The following RBFOX1 variants were observed in gnomAD, a reference collection of about 807,000 sequenced individuals.
The protein encoded by RBFOX1 is RNA binding protein fox-1 homolog 1.
A neutral mutation model predicts 57.7 loss-of-function variants in RBFOX1; 8 were observed. That is an observed-to-expected ratio of 0.14 (90% confidence interval 0.08 to 0.25). The LOEUF is 0.25. Ranked by LOEUF, RBFOX1 falls within the 10% of genes least tolerant of loss-of-function variation. The pLI is 1.00. For missense variants in RBFOX1, 611 were observed against 548.5 expected, an observed-to-expected ratio of 1.11 and a Z score of -1.14; for synonymous variants, 326 against 222.4, an observed-to-expected ratio of 1.47 and a Z score of -4.15.
chr16:6,520,365 G>T (rs941561048), intron 2 of RBFOX1, among the ~76,000 whole-genome samples: 4 of 152,106 alleles, frequency 2.6e-5, no homozygotes, highest in African/African-American at 9.7e-5. Flanking sequence ...ACCTTTCTTA[G>T]AGGGTCCTAA....
At chr16:7,145,095 C>A (rs1168339519) in intron 4 of RBFOX1, among the ~76,000 whole-genome samples, 1 of 152,198 alleles carries the variant, frequency 6.6e-6, no homozygotes, top group Non-Finnish European at 1.5e-5. Flanking sequence ...TGACAGTGAT[C>A]CCTTTCCAGA....
In RBFOX1 at chr16:6,152,813, T is replaced by C. The variant is rs535921051; in HGVS notation, c.-127+132821T>C. The stretch of plus-strand genomic sequence containing the variant: ...GTTCCTGAACATCTGTCTAAAAAAA[T>C]GCCCTCTTAGAGATGAGAGAAACAG... On this transcript the variant is annotated intron_variant, in intron 1 of 15. Coordinates refer to ENST00000550418, the MANE Select transcript of RBFOX1 (RefSeq NM_018723.4). 3.3e-5 allele frequency among the ~76,000 whole-genome samples: 5 copies of C among 152,096 alleles called. No homozygotes were observed. In the East Asian group the frequency reaches 9.7e-4, roughly 29 times the overall value.
rs532056468 is a variant in RBFOX1, at chr16:7,666,589, A to G, written c.930+1621A>G. Among the ~76,000 whole-genome samples the G allele has an allele frequency of 7.2e-5, 11 of 152,292 alleles. No homozygotes were observed. In the East Asian group the frequency reaches 1.9e-3, roughly 27 times the overall value. ...GTAGCAGGAAGGAGAGGCTGCCTGA[A>G]GGCAGGGTCTGTGGAGCTCCCACAA... On this transcript the variant is annotated intron_variant, in intron 13 of 15. Transcript: ENST00000550418.
intron 4 of RBFOX1, among the ~76,000 whole-genome samples, chr16:5,901,069 T>C (rs959587206): frequency 3.3e-5 from 5 of 152,196 alleles, no homozygotes; most frequent in Non-Finnish European, 7.3e-5. Flanking sequence ...GCACCAGCCC[T>C]TCTTCACTCT....
At chr16:6,966,868 T>G (rs2084337674) in intron 3 of RBFOX1, among the ~76,000 whole-genome samples, 1 of 149,920 alleles carries the variant, frequency 6.7e-6, no homozygotes, top group South Asian at 2.1e-4. Flanking sequence ...CACATCCATC[T>G]ATCCATGTAT....
chr16:6,491,904 A>G lies in RBFOX1; in HGVS notation c.-63-162699A>G, dbSNP rs538097560. ...TGTAGATGAAGAGATTTATGTAGCT[A>G]TAGGAAGTTCCTATAACTCTCCTAT... On this transcript the variant is annotated intron_variant, in intron 2 of 15. Transcript: ENST00000550418. Among the ~76,000 whole-genome samples, 19 of 152,312 alleles carry G rather than the reference A, an allele frequency of 1.2e-4. No individual in the cohort carries two copies. In the South Asian group the frequency reaches 3.3e-3, roughly 27 times the overall value.
chr16:5,977,225 A>G (rs776467615), intron 4 of RBFOX1, among the ~76,000 whole-genome samples: 10 of 152,284 alleles, frequency 6.6e-5, no homozygotes, highest in Non-Finnish European at 1.5e-4. Flanking sequence ...GTGACTTTGG[A>G]AAAATGGTTG....
chr16:5,642,277 T>C (rs1053640218), intron 3 of RBFOX1, among the ~76,000 whole-genome samples: 12 of 152,198 alleles, frequency 7.9e-5, no homozygotes, highest in African/African-American at 2.7e-4. Flanking sequence ...TTGGGGCTGT[T>C]TATAGTCGAT....
At chr16:7,676,294 A>G (rs1038601459) in intron 13 of RBFOX1, among the ~76,000 whole-genome samples, 2 of 152,220 alleles carry the variant, frequency 1.3e-5, no homozygotes, top group East Asian at 1.9e-4. Flanking sequence ...ATTACTAATA[A>G]ACTTTCAATC....
chr16:6,014,593 G>A, upstream of RBFOX1, among the ~76,000 whole-genome samples: 1 of 152,096 alleles, frequency 6.6e-6, no homozygotes. Flanking sequence ...AGAATATAAG[G>A]TGCAATCCAT....
At chr16:6,793,439 G>A (rs2083349313) in intron 3 of RBFOX1, among the ~76,000 whole-genome samples, 1 of 152,152 alleles carries the variant, frequency 6.6e-6, no homozygotes, top group Non-Finnish European at 1.5e-5. Context: ...AGAATTCTCT[G>A]AGAGAAATAT....
At chr16:6,341,159 G>C (rs1015270716) in intron 2 of RBFOX1, among the ~76,000 whole-genome samples, 1 of 152,170 alleles carries the variant, frequency 6.6e-6, no homozygotes, top group African/African-American at 2.4e-5. Flanking sequence ...GTCTTACTGA[G>C]CTAAAATCAA....
chr16:6,652,762 A>C (rs1162895981), intron 2 of RBFOX1, among the ~76,000 whole-genome samples: 1 of 152,048 alleles, frequency 6.6e-6, no homozygotes, highest in African/African-American at 2.4e-5. Flanking sequence ...GGGCTCTGGG[A>C]GGGGAAGTGA....
intron 3 of RBFOX1, among the ~76,000 whole-genome samples, chr16:5,631,449 C>T (rs1046436604): frequency 5.9e-5 from 9 of 151,764 alleles, no homozygotes; most frequent in East Asian, 3.9e-4. Flanking sequence ...CCCAGCTACT[C>T]GGGAGGCTGA....
At chr16:6,371,660 G>A (rs930980792) in intron 2 of RBFOX1, among the ~76,000 whole-genome samples, 3 of 152,096 alleles carry the variant, frequency 2.0e-5, no homozygotes, top group South Asian at 2.1e-4. Flanking sequence ...CCTTTGATTG[G>A]AGAGTGGTGT....
chr16:6,897,054 T>C (rs141887357), intron 3 of RBFOX1, among the ~76,000 whole-genome samples: 175 of 152,270 alleles, frequency 1.1e-3, no homozygotes, highest in African/African-American at 4.2e-3. Context: ...TCTCCACACC[T>C]TCCTGAATGC....
intron 4 of RBFOX1, among the ~76,000 whole-genome samples, chr16:5,880,138 T>C (rs1354433660): frequency 1.3e-5 from 2 of 152,172 alleles, no homozygotes; most frequent in Non-Finnish European, 1.5e-5. Flanking sequence ...TGGCACTCTT[T>C]TATGCACTTT....
intron 2 of RBFOX1, among the ~76,000 whole-genome samples, chr16:5,474,604 A>C (rs1337493597): frequency 6.6e-6 from 1 of 152,030 alleles, no homozygotes; most frequent in African/African-American, 2.4e-5. Flanking sequence ...CAGTGAGCTG[A>C]GATCGCGCCA....
At chr16:6,015,660 C>T (rs1039687049), upstream of RBFOX1, among the ~76,000 whole-genome samples, 7 of 152,198 alleles carry the variant, frequency 4.6e-5, no homozygotes, top group Admixed American at 1.3e-4. Context: ...TTGCTTCAGG[C>T]ACTTTCATAA....
Sources: allele counts gnomAD v4.1 joint callset (sites outside exome capture counted in the v4.1 genomes callset), GRCh38; gene constraint gnomAD v4.1.1; transcripts MANE v1.5; gene names NCBI Gene and HGNC (gene_info 2026-07-23, HGNC 2026-07-21).